Variants in PRKAR1B observed in about 807,000 individuals in gnomAD.
PRKAR1B encodes the protein cAMP-dependent protein kinase type I-beta regulatory subunit.
In PRKAR1B, 22 loss-of-function variants were observed where a neutral mutation model predicts 46.5. The ratio of observed to expected loss-of-function variants is 0.47; its 90% CI spans 0.34 to 0.68. PRKAR1B has a LOEUF of 0.68. Ranked by LOEUF, PRKAR1B falls within the 30% of genes least tolerant of loss-of-function variation. The pLI is 0.01. For missense variants in PRKAR1B, 445 were observed against 535.6 expected (o/e 0.83, Z 1.67); for synonymous variants, 259 against 217.7 (o/e 1.19, Z -1.67).
intron 4 of PRKAR1B, among the ~76,000 whole-genome samples, chr7:620,429 C>T (rs1402894781): frequency 6.6e-6 from 1 of 152,172 alleles, no homozygotes; most frequent in Admixed American, 6.5e-5. Flanking sequence ...CTTTCAAATT[C>T]TATTCTCCAG....
intron 4 of PRKAR1B, among the ~76,000 whole-genome samples, chr7:669,120 G>A (rs549907219): frequency 1.4e-4 from 22 of 152,332 alleles, no homozygotes; most frequent in African/African-American, 2.2e-4. Flanking sequence ...GGGTGTGGCC[G>A]TGGAGTGGAA....
intron 4 of PRKAR1B, among the ~76,000 whole-genome samples, chr7:613,500 C>G (rs1214353666): frequency 2.0e-5 from 3 of 152,184 alleles, no homozygotes; most frequent in Non-Finnish European, 2.9e-5. Flanking sequence ...CGTACGGGAT[C>G]AGAACCAGCA....
intron 9 of PRKAR1B, among the ~76,000 whole-genome samples, chr7:557,995 C>A (rs112739935): frequency 1.3e-5 from 2 of 152,088 alleles, no homozygotes; most frequent in Non-Finnish European, 2.9e-5. Flanking sequence ...ATTTTCCTTG[C>A]GACTATTTTG....
intron 4 of PRKAR1B, among the ~76,000 whole-genome samples, chr7:613,014 T>A (rs2128469347): frequency 6.6e-6 from 1 of 152,310 alleles, no homozygotes; most frequent in South Asian, 2.1e-4. Flanking sequence ...CTCAACAACC[T>A]AACACCGTGT....
intron 2 of PRKAR1B, among the ~76,000 whole-genome samples, chr7:700,378 C>T (rs1779994894): frequency 6.6e-6 from 1 of 152,202 alleles, no homozygotes; most frequent in Non-Finnish European, 1.5e-5. Context: ...AAAATATCAA[C>T]ATTCTCTCTC....
chr7:656,692 AATGG>A (rs1414215310), intron 4 of PRKAR1B, among the ~76,000 whole-genome samples: 2 of 152,184 alleles, frequency 1.3e-5, no homozygotes, highest in Non-Finnish European at 2.9e-5. Flanking sequence ...TTCATGAGTG[AATGG>A]ATGGATAAAT....
intron 9 of PRKAR1B, among the ~76,000 whole-genome samples, chr7:558,566 G>A (rs1390845227): frequency 3.3e-5 from 5 of 152,000 alleles, no homozygotes; most frequent in Admixed American, 6.5e-5. Context: ...GGCCAGCCTG[G>A]CCAACATGGT....
At chr7:574,055 G>A (rs999740030) in intron 9 of PRKAR1B, among the ~76,000 whole-genome samples, 2 of 152,240 alleles carry the variant, frequency 1.3e-5, no homozygotes, top group Non-Finnish European at 2.9e-5. Context: ...AGAACACCGC[G>A]CGTGCGGCCT....
intron 4 of PRKAR1B, among the ~76,000 whole-genome samples, chr7:665,268 G>T (rs4584046): frequency 0.73 from 111,003 of 151,944 alleles, 40,711 homozygotes; most frequent in South Asian, 0.83. Flanking sequence ...TTCACGGTGG[G>T]CAAGTCAGCC....
intron 9 of PRKAR1B, among the ~76,000 whole-genome samples, chr7:573,978 C>T (rs527929276): frequency 3.9e-5 from 6 of 152,212 alleles, no homozygotes; most frequent in East Asian, 1.9e-4. Flanking sequence ...CCAGGACGCC[C>T]GGCACATACT....
chr7:608,449 G>C (rs1400281613), intron 4 of PRKAR1B: 1 of 152,284 alleles, frequency 6.6e-6, no homozygotes, highest in East Asian at 1.9e-4. Flanking sequence ...TGACCCTCCT[G>C]ATTCCAGGGT....
intron 2 of PRKAR1B, among the ~76,000 whole-genome samples, chr7:694,856 T>G (rs533353067): frequency 6.6e-6 from 1 of 151,846 alleles, no homozygotes; most frequent in South Asian, 2.1e-4. Context: ...GCCAAAATGG[T>G]GAAACCCCAT....
In PRKAR1B at chr7:550,408, G is replaced by T. The variant is rs928034164; in HGVS notation, c.*22C>A. 2 of 1,572,946 alleles carry T rather than the reference G, an allele frequency of 1.3e-6. No homozygotes were observed. The highest frequency in any genetic ancestry group is 1.7e-6 in the Non-Finnish European group (2 of 1,159,304). On this transcript the variant is annotated 3_prime_UTR_variant, in exon 11 of 11. Coordinates refer to ENST00000537384, the MANE Select transcript of PRKAR1B (RefSeq NM_001164760.2). ...CACGGCCACCACACTGGGGAGCTGG[G>T]GCTGCAGGGCGGGAGCTGTGCTCAG...
intron 4 of PRKAR1B, among the ~76,000 whole-genome samples, chr7:617,704 C>T (rs919015347): frequency 1.1e-4 from 17 of 152,168 alleles, no homozygotes; most frequent in African/African-American, 2.9e-4. Flanking sequence ...CTGTTTCCCC[C>T]GTCCTGGCAG....
chr7:646,299 C>G (rs947594073), intron 4 of PRKAR1B, among the ~76,000 whole-genome samples: 1 of 152,266 alleles, frequency 6.6e-6, no homozygotes, highest in Non-Finnish European at 1.5e-5. Context: ...CCGCCTTGGT[C>G]TCCCAAAGTG....
chr7:705,695 A>G (rs1780286423), intron 2 of PRKAR1B, among the ~76,000 whole-genome samples: 1 of 152,170 alleles, frequency 6.6e-6, no homozygotes, highest in Admixed American at 6.5e-5. Flanking sequence ...GCAACAGAAC[A>G]CTGCCGGCAA....
intron 1 of PRKAR1B, among the ~76,000 whole-genome samples, chr7:717,821 G>A (rs1780932148): frequency 6.6e-6 from 1 of 152,114 alleles, no homozygotes; most frequent in African/African-American, 2.4e-5. Context: ...GATGGCCACA[G>A]GGTCCCCACC....
At chr7:657,541 G>A (rs1056349900) in intron 4 of PRKAR1B, among the ~76,000 whole-genome samples, 9 of 152,172 alleles carry the variant, frequency 5.9e-5, no homozygotes, top group Non-Finnish European at 8.8e-5. Flanking sequence ...TTTTTTCACC[G>A]TTAGAAAATA....
chr7:609,888 G>A (rs1782378624), intron 4 of PRKAR1B, among the ~76,000 whole-genome samples: 1 of 152,064 alleles, frequency 6.6e-6, no homozygotes, highest in Admixed American at 6.6e-5. Flanking sequence ...CTACAGGCAC[G>A]TGCCACCACG....
Sources: gnomAD v4.1 joint callset for allele counts (sites outside exome capture counted in the v4.1 genomes callset) on GRCh38, gnomAD v4.1.1 for gene constraint, MANE v1.5 for transcripts, NCBI Gene and HGNC (gene_info 2026-07-23, HGNC 2026-07-21) for gene names.